ABI3BP: variants seen among roughly 807,000 people sequenced by gnomAD.
ABI3BP encodes the protein target of Nesh-SH3.
In ABI3BP, 216 loss-of-function variants were observed where a neutral mutation model predicts 268.6. That is an observed-to-expected ratio of 0.80 (90% CI 0.72 to 0.90). ABI3BP has a LOEUF of 0.90. ABI3BP is among the 40% of genes least tolerant of loss of function. The pLI is 0.00. For missense variants in ABI3BP, 2,090 were observed against 2,182.4 expected (o/e 0.96, Z 0.84); for synonymous variants, 730 against 730.0 (o/e 1.00, Z 0.00).
intron 9 of ABI3BP, among the ~76,000 whole-genome samples, chr3:100,870,888 A>G (rs756724462): frequency 3.3e-5 from 5 of 152,228 alleles, no homozygotes; most frequent in African/African-American, 2.4e-5. Context: ...CATTTGCAAT[A>G]ACATGGATAA....
At chr3:100,751,511 C>T (rs1181021042) in intron 67 of ABI3BP, 41 bp downstream of exon 67, 3 of 1,494,826 alleles carry the variant, frequency 2.0e-6, no homozygotes, top group Admixed American at 2.2e-5. Context: ...CTGAGTTAAT[C>T]TGTAAAACTC....
intron 2 of ABI3BP, among the ~76,000 whole-genome samples, chr3:100,903,093 G>A (rs1406689034): frequency 6.6e-6 from 1 of 152,144 alleles, no homozygotes; most frequent in South Asian, 2.1e-4. Flanking sequence ...AGACACCGTG[G>A]GCCTCACCTG....
chr3:100,804,450 G>A (rs73152433), intron 51 of ABI3BP, among the ~76,000 whole-genome samples: 21,060 of 152,142 alleles, frequency 0.14, 1,896 homozygotes, highest in South Asian at 0.27. Context: ...TATCATTTGT[G>A]GGGGAGAACA....
At chr3:100,846,653 A>G in intron 19 of ABI3BP, 2 of 405,774 alleles carry the variant, frequency 4.9e-6, no homozygotes, top group South Asian at 1.1e-4. Context: ...TAGAAAAAAC[A>G]TTTCAAGAGT....
At chr3:100,934,300 A>T (rs1307142164) in intron 1 of ABI3BP, among the ~76,000 whole-genome samples, 1 of 152,102 alleles carries the variant, frequency 6.6e-6, no homozygotes, top group Non-Finnish European at 1.5e-5. Context: ...TGTCCCTACA[A>T]AGGACATGAA....
chr3:100,902,825 G>A (rs1024674223), intron 2 of ABI3BP, 139 bp from the exon 3 acceptor site: 34 of 635,906 alleles, frequency 5.3e-5, no homozygotes, highest in Non-Finnish European at 7.3e-5. Flanking sequence ...CCAATAATCC[G>A]AAAAGTTGAC....
At chr3:100,965,789 C>A (rs573794342) in intron 1 of ABI3BP, among the ~76,000 whole-genome samples, 8 of 151,954 alleles carry the variant, frequency 5.3e-5, no homozygotes, top group Non-Finnish European at 1.0e-4. Flanking sequence ...CAGATTGTGA[C>A]GTGATTTGCC....
At chr3:100,887,608 G>T (rs914922067) in intron 4 of ABI3BP, among the ~76,000 whole-genome samples, 3 of 151,990 alleles carry the variant, frequency 2.0e-5, no homozygotes, top group Non-Finnish European at 2.9e-5. Context: ...GGAAACATAC[G>T]CATTGGGTAA....
At chr3:100,828,937 C>T (rs1050239409) in intron 33 of ABI3BP, among the ~76,000 whole-genome samples, 3 of 151,996 alleles carry the variant, frequency 2.0e-5, no homozygotes, top group Admixed American at 6.6e-5. Context: ...CTCCTCAGGC[C>T]AGCATTCAAG....
At position 100,965,660 on chromosome 3, in the gene ABI3BP, T is replaced by C. The variant is rs149233757; in HGVS notation, c.79+27646A>G. Among the ~76,000 whole-genome samples, 399 of 152,124 alleles carry C rather than the reference T, an allele frequency of 2.6e-3. 1 individual carries two copies. The highest frequency in any genetic ancestry group is 9.1e-3 in the African/African-American group (379 of 41,514). On this transcript the variant is annotated intron_variant, in intron 1 of 67. Transcript: ENST00000471714. Reference sequence around the variant, plus strand: ...CTGGGTGCTCTGAAGAATGGAATCATGGTGTGTTAATGGTGGCCTTGGGGA... The same window carrying C: ...CTGGGTGCTCTGAAGAATGGAATCACGGTGTGTTAATGGTGGCCTTGGGGA...
intron 40 of ABI3BP, among the ~76,000 whole-genome samples, chr3:100,819,672 C>T (rs1352729129): frequency 6.6e-6 from 1 of 151,952 alleles, no homozygotes; most frequent in Non-Finnish European, 1.5e-5. Flanking sequence ...AAATAAGAGG[C>T]CGGGCGTGGT....
intron 55 of ABI3BP, 72 bp downstream of exon 55, chr3:100,792,619 G>T (rs1431898290): frequency 4.1e-6 from 6 of 1,476,474 alleles, no homozygotes; most frequent in Admixed American, 1.8e-5. Context: ...ATGACATTCT[G>T]AAAGAAAATT....
intron 2 of ABI3BP, chr3:100,911,591 T>A: frequency 1.5e-6 from 1 of 671,220 alleles, no homozygotes; most frequent in Non-Finnish European, 2.7e-6. Flanking sequence ...CTTCAAAAAA[T>A]TTAGAGCTGT....
At chr3:100,885,651 TA>T in intron 5 of ABI3BP, 63 bp from the exon 6 acceptor site, 1 of 1,020,984 alleles carries the variant, frequency 9.8e-7, no homozygotes, top group Non-Finnish European at 1.4e-6. Flanking sequence ...CAACTCTAGC[TA>T]ATCATTATGA....
At chr3:100,848,084 G>C (rs1195087339) in intron 18 of ABI3BP, among the ~76,000 whole-genome samples, 4 of 152,062 alleles carry the variant, frequency 2.6e-5, no homozygotes, top group South Asian at 2.1e-4. Context: ...TTACAGTCTT[G>C]GAAATAAGTT....
intron 1 of ABI3BP, among the ~76,000 whole-genome samples, chr3:100,940,325 A>T (rs1388839700): frequency 3.9e-5 from 6 of 152,080 alleles, no homozygotes; most frequent in Non-Finnish European, 8.8e-5. Flanking sequence ...GGCATAAGAA[A>T]TTATAAAAGT....
At chr3:100,756,715 TCA>T (rs1224673133) in intron 63 of ABI3BP, among the ~76,000 whole-genome samples, 3 of 151,824 alleles carry the variant, frequency 2.0e-5, no homozygotes, top group Non-Finnish European at 4.4e-5. Context: ...TCTTTTTATT[TCA>T]CAGTTACGTA....
chr3:100,810,799 C>A (rs2097845011), intron 48 of ABI3BP, among the ~76,000 whole-genome samples: 1 of 152,082 alleles, frequency 6.6e-6, no homozygotes, highest in South Asian at 2.1e-4. Context: ...TTAAGCAGCA[C>A]TGAATTTCAC....
At chr3:100,828,369 C>T (rs1224057784) in intron 34 of ABI3BP, 24 bp downstream of exon 34, 1 of 1,523,016 alleles carries the variant, frequency 6.6e-7, no homozygotes, top group Admixed American at 2.0e-5. Flanking sequence ...AAAGCACTTG[C>T]TGAAGATCAA....
Sources: gnomAD v4.1 joint callset for allele counts (sites outside exome capture counted in the v4.1 genomes callset) on GRCh38, gnomAD v4.1.1 for gene constraint, MANE v1.5 for transcripts, NCBI Gene and HGNC (gene_info 2026-07-23, HGNC 2026-07-21) for gene names.